MYH4: variants seen among roughly 807,000 people sequenced by gnomAD.
MYH4 encodes the protein myosin heavy chain 4.
A neutral mutation model predicts 229.9 loss-of-function variants in MYH4; 200 were observed. The observed-to-expected ratio is 0.87, with a 90% confidence interval of 0.78 to 0.98. MYH4 has a LOEUF of 0.98. Among genes scored for constraint, MYH4 ranks in the 50% least tolerant of loss-of-function variants. The pLI is 0.00. For synonymous variants in MYH4, 761 were observed against 834.6 expected (o/e 0.91, Z 1.52); for missense variants, 2,148 against 2,332.6 (o/e 0.92, Z 1.63).
rs144118927 is a variant in MYH4 at position 10,453,690 on chromosome 17, G to C, written c.2887C>G (p.Leu963Val). 2.5e-6 allele frequency: 4 copies of C among 1,613,960 alleles called. No individual in the cohort carries two copies. In the African/African-American group the frequency reaches 5.3e-5, roughly 22 times the overall value. ...TCCTTCTCAACCTTGGCCAGTGTCA[G>C]CTCAAGGTCATCAATGTCTTTCTTG... is the stretch of plus-strand genomic sequence containing the variant. ...ELKKDIDDLE[L>V]TLAKVEKEKH... Residue 963 changes from leucine (L) to valine (V), a missense_variant, in exon 23 of 40, where the codon CTG (leucine) becomes GTG (valine). By Grantham distance (32) the Leu-to-Val change is conservative. Coordinates refer to ENST00000255381, the MANE Select transcript of MYH4 (RefSeq NM_017533.2).
intron 4 of MYH4, 98 bp from the exon 5 acceptor site, chr17:10,465,696 G>GT (rs1037171170): frequency 1.4e-6 from 2 of 1,385,344 alleles, no homozygotes; most frequent in Non-Finnish European, 2.0e-6. Context: ...TAAGTACTGT[G>GT]TTAGTTCTCA....
intron 11 of MYH4, among the ~76,000 whole-genome samples, chr17:10,462,343 G>A (rs1293551056): frequency 6.6e-6 from 1 of 152,086 alleles, no homozygotes; most frequent in African/African-American, 2.4e-5. Flanking sequence ...GGCTTATGGA[G>A]TCCCCAAAAT....
chr17:10,452,089 C>A lies in MYH4; in HGVS notation c.3590G>T (p.Arg1197Leu), dbSNP rs770623983. 5.0e-6 allele frequency: 8 copies of A among 1,613,948 alleles called. No individual in the cohort carries two copies. In the South Asian group the frequency reaches 8.8e-5, roughly 18 times the overall value. ...AGCCACACTATCTGCGTGCTTCTTC[C>A]GAAGAGCAGCTGCCGTGGCTTCGTG... is the stretch of plus-strand genomic sequence containing the variant. Reference protein sequence around the residue: ...LQHEATAAALRKKHADSVAEL... With the variant: ...LQHEATAAALLKKHADSVAEL... The change falls in exon 27 of 40, where the codon CGG becomes CTG. Residue 1197 changes from arginine (R) to leucine (L), a missense_variant. Coordinates refer to ENST00000255381, the MANE Select transcript of MYH4 (RefSeq NM_017533.2).
rs1335186818 is a variant in MYH4 at position 10,450,879 on chromosome 17, C to A, written c.3882G>T (p.Gln1294His). 5.0e-6 allele frequency: 8 copies of A among 1,613,796 alleles called. No homozygotes were observed. The highest frequency in any genetic ancestry group is 6.8e-6 in the Non-Finnish European group (8 of 1,179,886). The stretch of plus-strand genomic sequence containing the variant: ...AAACCATAGCATCTTTTTCATCTAG[C>A]TGTCGTGAAAACTCACCTGTGGAAG... ...LHTESGEFSR[Q>H]LDEKDAMVSQ... The change falls in exon 29 of 40, where the codon CAG becomes CAT. Residue 1294 changes from glutamine to histidine, a missense_variant. Transcript: ENST00000255381.
chr17:10,445,393 C>CG, intron 35 of MYH4, 31 bp from the exon 36 acceptor site: 1 of 1,613,062 alleles, frequency 6.2e-7, no homozygotes, highest in Non-Finnish European at 8.5e-7. Context: ...AGAAGAGAAG[C>CG]ACATTTACTT....
In MYH4 at chr17:10,454,853, A is replaced by G. The variant is rs1176667965; in HGVS notation, c.2436-43T>C. On this transcript the variant is annotated intron_variant, in intron 21 of 39. Transcript: ENST00000255381. ...AAGATGCAAATGGAGAATAATGTGG[A>G]AAGTGATCATCACTCAACAAAAGTA... 3 of 1,610,564 alleles carry G rather than the reference A, an allele frequency of 1.9e-6. No individual in the cohort carries two copies. The South Asian group carries it at 3.3e-5, about 18-fold the overall frequency.
intron 18 of MYH4, 30 bp from the exon 19 acceptor site, chr17:10,455,761 C>A (rs200437723): frequency 6.2e-7 from 1 of 1,614,150 alleles, no homozygotes; most frequent in African/African-American, 1.3e-5. Flanking sequence ...TGCCATACTT[C>A]GTGGTCTATC....
intron 21 of MYH4, 60 bp downstream of exon 21, chr17:10,454,881 G>A: frequency 6.2e-7 from 1 of 1,609,904 alleles, no homozygotes; most frequent in Non-Finnish European, 8.5e-7. Flanking sequence ...CAAAAGTAAT[G>A]ACTGCAGTGG....
intron 32 of MYH4, 30 bp from the exon 33 acceptor site, chr17:10,448,550 A>C: frequency 1.9e-6 from 3 of 1,610,202 alleles, no homozygotes; most frequent in Non-Finnish European, 2.5e-6. Context: ...AATTTCAGTT[A>C]AGTAGAAAGA....
Position 10,445,012 on chromosome 17 carries a change from C to T in MYH4, c.5430G>A (p.Lys1810=), listed in dbSNP as rs752423627. Reference sequence around the variant, plus strand: ...GTTTCTGGATCTGCTTCTTCCCACCCTTCAGCGCCAGCTGCTCAGCCTCAT... The same window carrying T: ...GTTTCTGGATCTGCTTCTTCCCACCTTTCAGCGCCAGCTGCTCAGCCTCAT... ...RLDEAEQLAL[K]GGKKQIQKLE... is the part of the protein sequence containing the mutation. Residue 1810 remains lysine, a synonymous_variant, in exon 37 of 40, where the codon AAG becomes AAA. Transcript: ENST00000255381. 3.1e-6 allele frequency: 5 copies of T among 1,614,034 alleles called. No homozygotes were observed. The African/African-American group carries it at 4.0e-5, about 13-fold the overall frequency.
At chr17:10,463,501 A>C in intron 8 of MYH4, 50 bp downstream of exon 8, 1 of 1,579,658 alleles carries the variant, frequency 6.3e-7, no homozygotes, top group Non-Finnish European at 8.7e-7. Flanking sequence ...CACCACATGC[A>C]CACAAGAATC....
chr17:10,447,214 G>A lies in MYH4; in HGVS notation c.4968C>T (p.Asp1656=). The part of the protein sequence containing the change: ...NLRNTQGILK[D]TQLHLDDAIR... ...TGGCATCATCCAAATGTAGCTGAGT[G>A]TCCTACACAGAAAGAGAAAAAGCCT... Residue 1656 remains aspartate (D), a splice_region_variant and synonymous_variant, in exon 35 of 40, where the codon GAC becomes GAT. Coordinates refer to ENST00000255381, the MANE Select transcript of MYH4 (RefSeq NM_017533.2). 1 of 1,613,804 alleles carries A rather than the reference G, an allele frequency of 6.2e-7. No individual in the cohort carries two copies. Among genetic ancestry groups the A allele is most frequent in the Non-Finnish European group, 8.5e-7 (1 of 1,179,844 alleles).
chr17:10,458,435 C>T (rs1196044258), intron 15 of MYH4, among the ~76,000 whole-genome samples: 2 of 152,172 alleles, frequency 1.3e-5, no homozygotes, highest in South Asian at 2.1e-4. Context: ...GATATTATAT[C>T]ACCAGATTAA....
chr17:10,466,853 T>C, intron 2 of MYH4, 69 bp from the exon 3 acceptor site: 1 of 1,356,614 alleles, frequency 7.4e-7, no homozygotes, highest in Non-Finnish European at 1.0e-6. Context: ...TGATTTCATA[T>C]TAATGTGCTT....
rs1279395057 is a variant in MYH4, at chr17:10,456,653, T to C, written c.1898-98A>G. 3 of 877,908 alleles carry C rather than the reference T, an allele frequency of 3.4e-6. No homozygotes were observed. The East Asian group carries it at 7.4e-5, about 22-fold the overall frequency. 54.4% of individuals were successfully genotyped at this position (877,908 alleles called of 1,614,324 possible). A position where few individuals can be genotyped will look rare whatever the true frequency, so the allele number is the denominator to read the frequency against. ...GCCAAAATTCCCTTTAGAATTTAAA[T>C]TTGCACTCATTCACTTGCATCATTC... On this transcript the variant is annotated intron_variant, in intron 16 of 39. Coordinates refer to ENST00000255381, the MANE Select transcript of MYH4 (RefSeq NM_017533.2).
At chr17:10,447,779 T>G in intron 34 of MYH4, 39 bp downstream of exon 34, 1 of 1,539,974 alleles carries the variant, frequency 6.5e-7, no homozygotes, top group Non-Finnish European at 8.8e-7. Context: ...ACAGTAGCAC[T>G]GAGACTGTAC....
At position 10,448,895 on chromosome 17, in the gene MYH4, G is replaced by C. The variant is rs752253380; in HGVS notation, c.4334C>G (p.Ala1445Gly). 1.1e-5 allele frequency: 17 copies of C among 1,614,030 alleles called. No homozygotes were observed. The African/African-American group carries it at 2.1e-4, about 20-fold the overall frequency. Residue 1445 changes from alanine (A) to glycine (G), a missense_variant, in exon 31 of 40, where the codon GCT becomes GGT. By Grantham distance (60) the Ala-to-Gly change is moderately conservative. Coordinates refer to ENST00000255381, the MANE Select transcript of MYH4 (RefSeq NM_017533.2). ...DVERSNAACI[A>G]LDKKQRNFDK... ...AAAGTTTCTTTGCTTCTTATCGAGA[G>C]CTATGCAGGCAGCATTAGATCGTTC...
chr17:10,462,610 A>G (rs1277213194), intron 11 of MYH4, among the ~76,000 whole-genome samples: 1 of 152,210 alleles, frequency 6.6e-6, no homozygotes, highest in Non-Finnish European at 1.5e-5. Context: ...GACTAATAAG[A>G]AAGATAGAAT....
intron 5 of MYH4, among the ~76,000 whole-genome samples, chr17:10,464,960 C>T (rs2072746317): frequency 6.6e-6 from 1 of 152,196 alleles, no homozygotes; most frequent in Non-Finnish European, 1.5e-5. Flanking sequence ...TGAGAATAAT[C>T]TATCAATATC....
Sources: allele counts gnomAD v4.1 joint callset (sites outside exome capture counted in the v4.1 genomes callset), GRCh38; gene constraint gnomAD v4.1.1; transcripts MANE v1.5; gene names NCBI Gene and HGNC (gene_info 2026-07-23, HGNC 2026-07-21).